Variants in DNAH9 observed in about 807,000 individuals in gnomAD.
DNAH9 encodes DNAH9 variant protein.
DNAH9 carries 345 observed loss-of-function variants against 471.6 expected under a neutral mutation model. That is an observed-to-expected ratio of 0.73 (90% CI 0.67 to 0.80). The LOEUF (loss-of-function observed/expected upper bound fraction) is 0.80. DNAH9 is among the 30% of genes least tolerant of loss of function. The pLI, the probability that DNAH9 is intolerant of heterozygous loss-of-function variation, is 0.00. For missense variants in DNAH9, 5,407 were observed against 5,609.2 expected (o/e 0.96, Z 1.15); for synonymous variants, 2,093 against 2,123.6 (o/e 0.99, Z 0.40).
At chr17:11,854,505 C>A in intron 50 of DNAH9, 77 bp downstream of exon 50, 1 of 1,454,448 alleles carries the variant, frequency 6.9e-7, no homozygotes, top group East Asian at 2.3e-5. Flanking sequence ...CATCTAACAC[C>A]TAACGTTACG....
rs111864409 is a variant in DNAH9, at chr17:11,834,947, C to T, written c.9507+49C>T. The T allele has an allele frequency of 3.8e-3, 5,991 of 1,585,734 alleles. 201 individuals are homozygous for T. In the African/African-American group the frequency reaches 0.07, roughly 18 times the overall value. ...TGCTCATCCCTCAGGGGCTGGTAGA[C>T]GCAGAGACCACCTTGGCATTCCCAA... On this transcript the variant is annotated intron_variant, in intron 49 of 68. Coordinates refer to ENST00000262442, the MANE Select transcript of DNAH9 (RefSeq NM_001372.4).
chr17:11,629,631 T>C, intron 7 of DNAH9, 47 bp downstream of exon 7: 1 of 1,573,236 alleles, frequency 6.4e-7, no homozygotes, highest in Non-Finnish European at 8.7e-7. Flanking sequence ...CTGTCCCGGA[T>C]GCCTCTCATC....
At chr17:11,701,382 C>T in intron 24 of DNAH9, 135 bp downstream of exon 24, 1 of 938,100 alleles carries the variant, frequency 1.1e-6, no homozygotes, top group African/African-American at 1.6e-5. Flanking sequence ...TCCCAGACCA[C>T]TGTGAGGGGT....
chr17:11,604,855 G>A (rs994015847), intron 1 of DNAH9, among the ~76,000 whole-genome samples: 7 of 152,052 alleles, frequency 4.6e-5, no homozygotes, highest in Admixed American at 4.6e-4. Context: ...TTGGTAGGTG[G>A]CCTCCCTTTC....
intron 1 of DNAH9, among the ~76,000 whole-genome samples, chr17:11,599,926 T>G (rs761521132): frequency 2.0e-5 from 3 of 152,172 alleles, no homozygotes; most frequent in Non-Finnish European, 4.4e-5. Flanking sequence ...GTTTCAAACT[T>G]TTAAGACTGG....
intron 57 of DNAH9, among the ~76,000 whole-genome samples, chr17:11,891,404 C>T (rs1251493563): frequency 3.3e-5 from 5 of 152,102 alleles, no homozygotes; most frequent in Admixed American, 2.0e-4. Flanking sequence ...ACCACTCTGT[C>T]GCCCAGCCTG....
At chr17:11,875,599 A>G (rs1972444431) in intron 53 of DNAH9, 1 of 161,738 alleles carries the variant, frequency 6.2e-6, no homozygotes, top group African/African-American at 2.4e-5. Context: ...CTAGAGCCAC[A>G]TACAAAGAAC....
chr17:11,693,331 C>A (rs9915027), intron 20 of DNAH9, among the ~76,000 whole-genome samples: 141,441 of 146,296 alleles, frequency 0.97, 68,441 homozygotes, highest in Middle Eastern at 0.99. Context: ...TGCAACCGCA[C>A]CCTCCACCCT....
chr17:11,960,264 C>G (rs1464424952), intron 67 of DNAH9, among the ~76,000 whole-genome samples: 1 of 151,318 alleles, frequency 6.6e-6, no homozygotes, highest in Non-Finnish European at 1.5e-5. Context: ...GGTGAAACCC[C>G]GTCTCTACTA....
At chr17:11,749,577 A>G (rs1266708345) in intron 32 of DNAH9, among the ~76,000 whole-genome samples, 5 of 151,684 alleles carry the variant, frequency 3.3e-5, no homozygotes, top group African/African-American at 1.2e-4. Context: ...CTGCTGATCT[A>G]GTATCATAAA....
At chr17:11,643,349 C>T (rs752745613) in intron 10 of DNAH9, among the ~76,000 whole-genome samples, 4 of 152,094 alleles carry the variant, frequency 2.6e-5, no homozygotes, top group Non-Finnish European at 4.4e-5. Flanking sequence ...CTGGGAGGGA[C>T]CCTCATGTAA....
At chr17:11,902,599 C>A (rs1314289513) in intron 59 of DNAH9, 120 bp from the exon 60 acceptor site, 10 of 977,802 alleles carry the variant, frequency 1.0e-5, no homozygotes, top group African/African-American at 1.6e-5. Context: ...AAGCTCTAGA[C>A]AAGAGTATAA....
At chr17:11,948,107 T>C (rs1401003756) in intron 67 of DNAH9, among the ~76,000 whole-genome samples, 1 of 151,848 alleles carries the variant, frequency 6.6e-6, no homozygotes, top group East Asian at 1.9e-4. Flanking sequence ...GGCATCAGGC[T>C]TTTTTTCTAT....
intron 4 of DNAH9, among the ~76,000 whole-genome samples, chr17:11,615,492 G>T (rs1014360877): frequency 4.6e-5 from 7 of 151,992 alleles, no homozygotes; most frequent in Admixed American, 2.6e-4. Flanking sequence ...GGCTGAGGCA[G>T]GAGAATAGAC....
At chr17:11,886,340 A>T (rs879511180) in intron 56 of DNAH9, among the ~76,000 whole-genome samples, 2 of 152,126 alleles carry the variant, frequency 1.3e-5, no homozygotes, top group African/African-American at 2.4e-5. Context: ...ACAAACAAAC[A>T]AACAAACAAA....
At chr17:11,644,593 T>C (rs1284903182) in intron 10 of DNAH9, 38 bp from the exon 11 acceptor site, 2 of 1,478,804 alleles carry the variant, frequency 1.4e-6, no homozygotes, top group South Asian at 2.3e-5. Context: ...TTTAACTTCT[T>C]CTAATTCTGT....
chr17:11,796,284 G>A (rs1416437949), intron 42 of DNAH9, among the ~76,000 whole-genome samples: 1 of 152,198 alleles, frequency 6.6e-6, no homozygotes, highest in Non-Finnish European at 1.5e-5. Flanking sequence ...CCATCCTCAT[G>A]TGTTTTCCTA....
chr17:11,746,376 C>T (rs538704512), intron 31 of DNAH9, among the ~76,000 whole-genome samples: 8 of 152,180 alleles, frequency 5.3e-5, no homozygotes, highest in Non-Finnish European at 1.0e-4. Flanking sequence ...TGCATTTTTC[C>T]TTTGTAACAT....
At position 11,598,782 on chromosome 17, in the gene DNAH9, TG is replaced by T. The variant is rs1465176499; in HGVS notation, c.286del (p.Ala96LeufsTer38). The part of the protein sequence containing the change: ...PGLEVGPESG[L>X]AGAKALFFLR... ...CTGGAGGTGGGACCTGAGTCGGGCC[TG>T]GCTGGCGCTAAGGCGCTTTTTTTCC... On this transcript the variant is annotated frameshift_variant, in exon 1 of 69. Transcript: ENST00000262442. LOFTEE classifies it high-confidence loss of function. 9.5e-6 allele frequency: 14 copies of T among 1,469,366 alleles called. No homozygotes were observed. The highest frequency in any genetic ancestry group is 1.1e-5 in the Non-Finnish European group (12 of 1,114,296). 91.0% of individuals were successfully genotyped at this position (1,469,366 alleles called of 1,614,324 possible).
Sources: gnomAD v4.1 joint callset for allele counts (sites outside exome capture counted in the v4.1 genomes callset) on GRCh38, gnomAD v4.1.1 for gene constraint, MANE v1.5 for transcripts, NCBI Gene and HGNC (gene_info 2026-07-23, HGNC 2026-07-21) for gene names.